Variants in CELF2 observed in about 807,000 individuals in gnomAD.
CELF2 encodes CUGBP Elav-like family member 2.
A neutral mutation model predicts 62.6 loss-of-function variants in CELF2; 8 were observed. That is an observed-to-expected ratio of 0.13 (90% CI 0.07 to 0.23). The LOEUF (loss-of-function observed/expected upper bound fraction) is 0.23. Ranked by LOEUF, CELF2 falls within the 10% of genes least tolerant of loss-of-function variation. The pLI is 1.00. For synonymous variants in CELF2, 258 were observed against 250.0 expected (o/e 1.03, Z -0.30); for missense variants, 333 against 671.0 (o/e 0.50, Z 5.56).
At chr10:10,969,148 T>C (rs985412694) in intron 2 of CELF2, among the ~76,000 whole-genome samples, 1 of 152,160 alleles carries the variant, frequency 6.6e-6, no homozygotes, top group African/African-American at 2.4e-5. Context: ...TCCCAGCTAC[T>C]CAGGAGGCTG....
In CELF2 at chr10:11,165,477, T is replaced by C. The variant is rs1193710863; in HGVS notation, c.75-9T>C. ...CCCTAACTCTGGCTCCCGGTTCCGTTTTTGACAGTAACGGCACAGCCAACA... is the reference window on the plus strand; with the variant it reads ...CCCTAACTCTGGCTCCCGGTTCCGTCTTTGACAGTAACGGCACAGCCAACA... On this transcript the variant is annotated splice_polypyrimidine_tract_variant and intron_variant, in intron 1 of 12. Transcript: ENST00000633077. The surrounding 1 kb of genome is among the most constrained non-coding windows in gnomAD (Gnocchi z 7.4). The C allele has an allele frequency of 6.2e-7, 1 of 1,611,786 alleles. No homozygotes were observed. The highest frequency in any genetic ancestry group is 2.2e-5 in the East Asian group (1 of 44,660).
the CELF2 span, among the ~76,000 whole-genome samples, chr10:10,530,379 G>C: frequency 6.6e-6 from 1 of 152,168 alleles, no homozygotes; most frequent in Non-Finnish European, 1.5e-5. Context: ...AGCAAAATTA[G>C]GAATGTTTTT....
intron 1 of CELF2, among the ~76,000 whole-genome samples, chr10:11,031,161 T>A (rs552710041): frequency 3.3e-5 from 5 of 152,320 alleles, no homozygotes; most frequent in African/African-American, 1.2e-4. Context: ...GGTTCTCAGG[T>A]GGCATTTTGT....
At chr10:11,323,488 G>A (rs1354610976) in intron 11 of CELF2, among the ~76,000 whole-genome samples, 1 of 150,942 alleles carries the variant, frequency 6.6e-6, no homozygotes, top group Non-Finnish European at 1.5e-5. Flanking sequence ...CTACTCCACA[G>A]TTCAGTCCGA....
chr10:10,965,246 C>T (rs1434644289), intron 2 of CELF2, among the ~76,000 whole-genome samples: 1 of 152,162 alleles, frequency 6.6e-6, no homozygotes, highest in Non-Finnish European at 1.5e-5. Context: ...AAGTTAATAA[C>T]TTACTGTCCT....
the CELF2 span, among the ~76,000 whole-genome samples, chr10:10,774,157 T>C: frequency 6.6e-6 from 1 of 152,352 alleles, no homozygotes; most frequent in Non-Finnish European, 1.5e-5. Flanking sequence ...GAAATATTTA[T>C]TAAGCATTCA....
the CELF2 span, among the ~76,000 whole-genome samples, chr10:10,658,238 T>TTGCCCA: frequency 5.3e-5 from 8 of 152,206 alleles, no homozygotes; most frequent in African/African-American, 1.9e-4. Flanking sequence ...TGGTCCCTTC[T>TTGCCCA]TGCCCATTTA....
chr10:11,128,055 G>A (rs1412089591), intron 1 of CELF2, among the ~76,000 whole-genome samples: 1 of 152,174 alleles, frequency 6.6e-6, no homozygotes, highest in East Asian at 1.9e-4. Context: ...ATTAATTTTT[G>A]TATAAGTTGT....
rs1554936318 is a variant in CELF2 at position 11,197,025 on chromosome 10, A to AAAAAGAAAGAAAG, written c.272-20397_272-20396insAGAAAGAAAGAAA. On this transcript the variant is annotated intron_variant, in intron 2 of 12. Transcript: ENST00000633077. Reference sequence around the variant, plus strand: ...AGGAGAAAGAAAGAAAGAAAGAAAGAAAAGAAAGAAAGAAAGAAAGAAAGA... The same window carrying AAAAAGAAAGAAAG: ...AGGAGAAAGAAAGAAAGAAAGAAAGAAAAAGAAAGAAAGAAAGAAAGAAAGAAAGAAAGAAAGA... Among the ~76,000 whole-genome samples the AAAAAGAAAGAAAG allele has an allele frequency of 1.2e-4, 3 of 26,048 alleles. No individual in the cohort carries two copies. In the East Asian group the frequency reaches 1.3e-3, roughly 11 times the overall value. 17.1% of individuals were successfully genotyped at this position (26,048 alleles called of 152,430 possible).
rs927985512 is a variant in CELF2, at chr10:11,207,541, T to A, written c.272-9884T>A. 1.3e-5 allele frequency among the ~76,000 whole-genome samples: 2 copies of A among 152,122 alleles called. No individual in the cohort carries two copies. Among genetic ancestry groups the A allele is most frequent in the African/African-American group, 4.8e-5 (2 of 41,406 alleles). On this transcript the variant is annotated intron_variant, in intron 2 of 12. Coordinates refer to ENST00000633077, the MANE Select transcript of CELF2 (RefSeq NM_001326342.2). The surrounding 1 kb of genome is among the most constrained non-coding windows in gnomAD (Gnocchi z 4.1). ...TCTGCGAGGAATCTTGCAGGGAAAG[T>A]GAGGAAGGATGTTGGTGGAGCATCG... is the stretch of plus-strand genomic sequence containing the variant.
chr10:11,052,375 A>G (rs1408815191), intron 1 of CELF2, among the ~76,000 whole-genome samples: 5 of 152,184 alleles, frequency 3.3e-5, no homozygotes, highest in Admixed American at 1.3e-4. Flanking sequence ...TTTAGTTACT[A>G]TGATTAAACC....
chr10:11,055,483 A>T (rs1164470091), intron 1 of CELF2, among the ~76,000 whole-genome samples: 1 of 152,252 alleles, frequency 6.6e-6, no homozygotes, highest in Non-Finnish European at 1.5e-5. Flanking sequence ...CACAGGTGCC[A>T]TAGGCACTCT....
At chr10:11,082,899 C>T (rs1242777369) in intron 1 of CELF2, among the ~76,000 whole-genome samples, 1 of 152,200 alleles carries the variant, frequency 6.6e-6, no homozygotes, top group Non-Finnish European at 1.5e-5. Context: ...GTGTGTGAAA[C>T]AGCCCCTTGG....
rs1004749924 is a variant in CELF2 at position 11,314,528 on chromosome 10, T to C, written c.1096+270T>C. 7 of 492,608 alleles carry C rather than the reference T, an allele frequency of 1.4e-5. No homozygotes were observed. Among genetic ancestry groups the C allele is most frequent in the Non-Finnish European group, 2.3e-5 (6 of 266,452 alleles). The allele number at this position is 492,608 out of a possible 1,614,324, so 30.5% of individuals were successfully genotyped here. A position where few individuals can be genotyped will look rare whatever the true frequency, so the allele number is the denominator to read the frequency against. On this transcript the variant is annotated intron_variant, in intron 10 of 12. Transcript: ENST00000633077. This position sits in a 1 kb window ranked among gnomAD's most constrained non-coding sequence, Gnocchi z 5.3. ...TGGGGTTCTGTGGCTGGCAGCTCTT[T>C]TCAGGTTTCCAGGAGTTTGGTTTGG...
intron 1 of CELF2, among the ~76,000 whole-genome samples, chr10:10,809,186 C>CCTCCCTCTTTCTCTCTCTTTCTCTCTGT: frequency 6.6e-6 from 1 of 152,032 alleles, no homozygotes; most frequent in African/African-American, 2.4e-5. Context: ...TCTCTCTCTG[C>CCTCCCTCTTTCTCTCTCTTTCTCTCTGT]CTCCCTCTTT....
In CELF2 at chr10:11,267,101, C is replaced by T. The variant is rs928998539; in HGVS notation, c.618+424C>T. ...CCTGTGCTAAGTCCCAGGGTTCTTTCGTTTGTACAGGGTCAAGTTATCTTC... is the reference window on the plus strand; with the variant it reads ...CCTGTGCTAAGTCCCAGGGTTCTTTTGTTTGTACAGGGTCAAGTTATCTTC... On this transcript the variant is annotated intron_variant, in intron 6 of 12. Coordinates refer to ENST00000633077, the MANE Select transcript of CELF2 (RefSeq NM_001326342.2). The surrounding 1 kb of genome is among the most constrained non-coding windows in gnomAD (Gnocchi z 4.4). Among the ~76,000 whole-genome samples, 3 of 152,202 alleles carry T rather than the reference C, an allele frequency of 2.0e-5. No homozygotes were observed. Among genetic ancestry groups the T allele is most frequent in the Non-Finnish European group, 4.4e-5 (3 of 68,036 alleles).
chr10:11,242,267 G>A lies in CELF2; in HGVS notation c.355-6886G>A, dbSNP rs2074156937. ...TGTTTTATTGAATCTCATGTTAAAG[G>A]TGGTTAACTCATCAATTGGTGATGG... On this transcript the variant is annotated intron_variant, in intron 3 of 12. Transcript: ENST00000633077. This position sits in a 1 kb window ranked among gnomAD's most constrained non-coding sequence, Gnocchi z 4.8. Among the ~76,000 whole-genome samples the A allele has an allele frequency of 6.6e-6, 1 of 152,168 alleles. No individual in the cohort carries two copies. The highest frequency in any genetic ancestry group is 1.5e-5 in the Non-Finnish European group (1 of 68,024).
intron 1 of CELF2, among the ~76,000 whole-genome samples, chr10:10,804,353 A>G (rs972149434): frequency 9.9e-5 from 15 of 152,238 alleles, no homozygotes; most frequent in Non-Finnish European, 5.9e-5. Flanking sequence ...TGGGCTGGAT[A>G]TGGCCCAGGG....
intron 2 of CELF2, among the ~76,000 whole-genome samples, chr10:11,216,049 A>G (rs1307450993): frequency 2.6e-5 from 4 of 152,202 alleles, no homozygotes; most frequent in African/African-American, 7.2e-5. Flanking sequence ...TCTTTAAAGA[A>G]ATGTTATAAT....
Sources: gnomAD v4.1 joint callset for allele counts (sites outside exome capture counted in the v4.1 genomes callset) on GRCh38, gnomAD v4.1.1 for gene constraint, Gnocchi (gnomAD v3.1) non-coding constraint, MANE v1.5 for transcripts, NCBI Gene and HGNC (gene_info 2026-07-23, HGNC 2026-07-21) for gene names.